The following DDB2 variants were observed in gnomAD, a reference collection of about 807,000 sequenced individuals.
The protein encoded by DDB2 is DNA damage-binding protein 2.
Under a neutral mutation model 50.5 loss-of-function variants are expected in DDB2, and 27 were observed. The ratio of observed to expected loss-of-function variants is 0.53; its 90% CI spans 0.39 to 0.74. DDB2 has a LOEUF of 0.74. Ranked by LOEUF, DDB2 falls within the 30% of genes least tolerant of loss-of-function variation. The pLI is 0.00. For synonymous variants in DDB2, 176 were observed against 205.5 expected, an observed-to-expected ratio of 0.86 and a Z score of 1.23; for missense variants, 424 against 545.6, an observed-to-expected ratio of 0.78 and a Z score of 2.22.
chr11:47,229,534 A>G (rs1953612787), intron 3 of DDB2, among the ~76,000 whole-genome samples: 1 of 152,158 alleles, frequency 6.6e-6, no homozygotes, highest in African/African-American at 2.4e-5. Context: ...GCAATAGTGG[A>G]AGACTGGTTA....
chr11:47,235,228 G>A (rs771304920), intron 6 of DDB2, 42 bp from the exon 7 acceptor site: 5 of 1,613,756 alleles, frequency 3.1e-6, no homozygotes, highest in Non-Finnish European at 3.4e-6. Flanking sequence ...GACCACAGAG[G>A]GCTTGTGGTT....
In DDB2 at chr11:47,232,974, T is replaced by TCACTTGAGTTAAAGGGCTTCTAAGGA; in HGVS notation, c.602+15_602+16insCACTTGAGTTAAAGGGCTTCTAAGGA. The TCACTTGAGTTAAAGGGCTTCTAAGGA allele has an allele frequency of 6.2e-7, 1 of 1,613,972 alleles. No individual in the cohort carries two copies. Among genetic ancestry groups the TCACTTGAGTTAAAGGGCTTCTAAGGA allele is most frequent in the Non-Finnish European group, 8.5e-7 (1 of 1,179,838 alleles). On this transcript the variant is annotated intron_variant, in intron 4 of 9. Transcript: ENST00000256996. ...GACACCATCAAGTGAGTAGTTTAACTAGCAGGGGAAAGGGCTTCTAAGCTT... is the reference window on the plus strand; with the variant it reads ...GACACCATCAAGTGAGTAGTTTAACTCACTTGAGTTAAAGGGCTTCTAAGGAAGCAGGGGAAAGGGCTTCTAAGCTT...
chr11:47,229,636 A>G (rs1953614074), intron 3 of DDB2: 1 of 255,234 alleles, frequency 3.9e-6, no homozygotes, highest in African/African-American at 2.3e-5. Context: ...AAACATGGAA[A>G]GAGAGAAACT....
chr11:47,238,688 G>A lies in DDB2; in HGVS notation c.1235-112G>A, dbSNP rs891661643. The A allele has an allele frequency of 1.4e-4, 169 of 1,196,882 alleles. No individual in the cohort carries two copies. In the Admixed American group the frequency reaches 2.7e-3, roughly 19 times the overall value. The allele number at this position is 1,196,882 out of a possible 1,614,324, so 74.1% of individuals were successfully genotyped here. A position where few individuals can be genotyped will look rare whatever the true frequency, so the allele number is the denominator to read the frequency against. ...GCTGGGATTACAGACTTGAGCCACC[G>A]CGCCCGGCCTTCCTAGTATTTCTTT... On this transcript the variant is annotated intron_variant, in intron 9 of 9. Coordinates refer to ENST00000256996, the MANE Select transcript of DDB2 (RefSeq NM_000107.3).
At chr11:47,233,267 A>G in intron 4 of DDB2, 1 of 432,132 alleles carries the variant, frequency 2.3e-6, no homozygotes, top group South Asian at 2.1e-5. Context: ...CACCTAGAGA[A>G]TGGAGCAACA....
At chr11:47,229,964 A>G (rs1246053500) in intron 3 of DDB2, among the ~76,000 whole-genome samples, 1 of 151,454 alleles carries the variant, frequency 6.6e-6, no homozygotes, top group Non-Finnish European at 1.5e-5. Flanking sequence ...TCGAATAGCT[A>G]TGAGCACAGG....
intron 7 of DDB2, among the ~76,000 whole-genome samples, chr11:47,236,745 C>T (rs1315249230): frequency 1.3e-5 from 2 of 152,218 alleles, no homozygotes; most frequent in Non-Finnish European, 2.9e-5. Context: ...ACCTCAATCA[C>T]ATCCAAGCTC....
intron 3 of DDB2, among the ~76,000 whole-genome samples, chr11:47,227,880 G>A (rs1423187035): frequency 2.0e-5 from 3 of 152,038 alleles, no homozygotes; most frequent in East Asian, 1.9e-4. Flanking sequence ...GGTGGATCAC[G>A]CCTGTAATTC....
chr11:47,216,881 C>T lies in DDB2; in HGVS notation c.288C>T (p.His96=), dbSNP rs1333025396. The change falls in exon 3 of 10, where the codon CAC becomes CAT. Residue 96 remains histidine (H), a synonymous_variant. Coordinates refer to ENST00000256996, the MANE Select transcript of DDB2 (RefSeq NM_000107.3). ...VQQGLQQSFL[H]TLDSYRILQK... ...AGGGGCTCCAGCAGTCCTTTTTGCA[C>T]ACTCTGGATTCTTACCGGATATTAC... 1.9e-6 allele frequency: 3 copies of T among 1,614,070 alleles called. No individual in the cohort carries two copies. The highest frequency in any genetic ancestry group is 1.7e-5 in the Admixed American group (1 of 59,998).
intron 3 of DDB2, among the ~76,000 whole-genome samples, chr11:47,231,186 T>C (rs1032824210): frequency 1.4e-5 from 2 of 138,536 alleles, no homozygotes; most frequent in Non-Finnish European, 1.5e-5. Flanking sequence ...GCCTAGTACA[T>C]AGTAAGCACT....
At chr11:47,216,658 T>C (rs993991303) in intron 2 of DDB2, among the ~76,000 whole-genome samples, 186 bp downstream of exon 2, 7 of 152,186 alleles carry the variant, frequency 4.6e-5, no homozygotes, top group African/African-American at 1.7e-4. Context: ...AGGTCCCAGC[T>C]GGAATGCACT....
At chr11:47,226,913 G>C (rs1156359119) in intron 3 of DDB2, among the ~76,000 whole-genome samples, 4 of 150,064 alleles carry the variant, frequency 2.7e-5, no homozygotes, top group Non-Finnish European at 5.9e-5. Flanking sequence ...TGCTAACTTT[G>C]TTTTGTTTTG....
chr11:47,228,023 C>T (rs563569443), intron 3 of DDB2, among the ~76,000 whole-genome samples: 82 of 151,266 alleles, frequency 5.4e-4, no homozygotes, highest in African/African-American at 1.9e-3. Context: ...TCCTGTCATC[C>T]CAGCTACCCG....
At chr11:47,229,740 G>A in intron 3 of DDB2, 1 of 395,020 alleles carries the variant, frequency 2.5e-6, no homozygotes, top group Non-Finnish European at 4.9e-6. Context: ...GAAGCAATCT[G>A]ATTGCAGATT....
At chr11:47,235,533 G>A (rs1025864550) in intron 7 of DDB2, 121 bp downstream of exon 7, 23 of 1,010,700 alleles carry the variant, frequency 2.3e-5, no homozygotes, top group Admixed American at 1.4e-4. Flanking sequence ...CTCCTGGCCC[G>A]AGCACAGAGC....
intron 3 of DDB2, among the ~76,000 whole-genome samples, chr11:47,227,199 C>T (rs550088892): frequency 9.5e-5 from 14 of 147,998 alleles, no homozygotes; most frequent in Non-Finnish European, 1.5e-4. Flanking sequence ...CTCCACCTCC[C>T]GGGTTCAAGC....
intron 1 of DDB2, 108 bp downstream of exon 1, chr11:47,215,371 CG>C: frequency 6.4e-7 from 1 of 1,558,656 alleles, no homozygotes; most frequent in Non-Finnish European, 8.8e-7. Context: ...GCGCAGGTCA[CG>C]GGTGCCTCCG....
At chr11:47,237,783 C>T (rs1953754616) in intron 7 of DDB2, 54 bp from the exon 8 acceptor site, 2 of 1,573,950 alleles carry the variant, frequency 1.3e-6, no homozygotes, top group African/African-American at 2.7e-5. Context: ...TTTTTGATGT[C>T]CCCCTTGATC....
chr11:47,226,308 C>T (rs1313028952), intron 3 of DDB2, among the ~76,000 whole-genome samples: 2 of 147,440 alleles, frequency 1.4e-5, no homozygotes, highest in Non-Finnish European at 3.0e-5. Context: ...TGAAGTCTCC[C>T]TCTGTCGCCC....
Sources: allele counts gnomAD v4.1 joint callset (sites outside exome capture counted in the v4.1 genomes callset), GRCh38; gene constraint gnomAD v4.1.1; transcripts MANE v1.5; gene names NCBI Gene and HGNC (gene_info 2026-07-23, HGNC 2026-07-21).